The following EXD3 variants were observed in gnomAD, a reference collection of about 807,000 sequenced individuals.
EXD3 encodes the protein exonuclease mut-7 homolog.
Under a neutral mutation model 98.0 loss-of-function variants are expected in EXD3, and 92 were observed. The observed-to-expected ratio is 0.94, with a 90% CI of 0.79 to 1.12. EXD3 has a LOEUF of 1.12. Among genes scored for constraint, EXD3 ranks in the 50% most tolerant of loss-of-function variants. The probability of loss-of-function intolerance (pLI) is 0.00; values close to 1 mark genes in which losing one functional copy is unlikely to be tolerated. For synonymous variants in EXD3, 569 were observed against 526.0 expected, an observed-to-expected ratio of 1.08 and a Z score of -1.12; for missense variants, 1,222 against 1,191.6, an observed-to-expected ratio of 1.03 and a Z score of -0.38.
chr9:137,357,444 T>G (rs1002349454), intron 7 of EXD3: 6 of 152,188 alleles, frequency 3.9e-5, no homozygotes, highest in African/African-American at 1.4e-4. Context: ...CTTCTCTTTA[T>G]GTATTTTGTA....
rs575222267 is a variant in EXD3, at chr9:137,419,909, C to T, written c.-48+3205G>A. 4.9e-4 allele frequency among the ~76,000 whole-genome samples: 74 copies of T among 152,282 alleles called. 1 individual carries two copies. The highest frequency in any genetic ancestry group is 1.8e-3 in the African/African-American group (73 of 41,550). The stretch of plus-strand genomic sequence containing the variant: ...GCGCGGTGGCTCATGCCTGTAATCC[C>T]AGCACTTTGGGAGGCCAAGGCGGGC... On this transcript the variant is annotated intron_variant, in intron 1 of 21. Transcript: ENST00000340951.
chr9:137,318,333 G>A (rs529914502), intron 19 of EXD3, among the ~76,000 whole-genome samples: 299 of 151,836 alleles, frequency 2.0e-3, no homozygotes, highest in Non-Finnish European at 2.7e-3. Context: ...ACCCCCCCTC[G>A]TCCCCCCCAT....
intron 1 of EXD3, among the ~76,000 whole-genome samples, chr9:137,400,379 G>C (rs1305150745): frequency 6.6e-6 from 1 of 152,224 alleles, no homozygotes; most frequent in Non-Finnish European, 1.5e-5. Flanking sequence ...TCTGATCTGA[G>C]ACAAGGCAAG....
At chr9:137,388,933 G>A (rs1325129005) in intron 2 of EXD3, among the ~76,000 whole-genome samples, 1 of 152,150 alleles carries the variant, frequency 6.6e-6, no homozygotes, top group African/African-American at 2.4e-5. Flanking sequence ...TCAGTCCTCT[G>A]ACCGCCCACG....
chr9:137,352,307 A>T (rs1834348247), intron 11 of EXD3, 106 bp from the exon 12 acceptor site: 2 of 1,479,288 alleles, frequency 1.4e-6, no homozygotes, highest in South Asian at 2.5e-5. Flanking sequence ...GGGGCATCTC[A>T]GGTCCTGGCT....
At chr9:137,318,845 ACAGACCCCTGGC>A (rs1223700527) in intron 19 of EXD3, among the ~76,000 whole-genome samples, 1 of 152,182 alleles carries the variant, frequency 6.6e-6, no homozygotes, top group Non-Finnish European at 1.5e-5. Context: ...GGCGGTGGCC[ACAGACCCCTGGC>A]CAGGCCCCTG....
chr9:137,414,951 G>A (rs113627406), intron 1 of EXD3, among the ~76,000 whole-genome samples: 1,934 of 152,252 alleles, frequency 0.013, 43 homozygotes, highest in African/African-American at 0.043. Context: ...GCAGGGGGGC[G>A]ATCTCGGCTC....
chr9:137,374,382 C>A (rs1194425076), intron 3 of EXD3, among the ~76,000 whole-genome samples: 2 of 152,250 alleles, frequency 1.3e-5, no homozygotes, highest in Non-Finnish European at 2.9e-5. Context: ...ACGGGATGCG[C>A]CCCCAGAGGC....
chr9:137,327,314 T>G (rs964248093), intron 17 of EXD3, among the ~76,000 whole-genome samples: 1 of 152,118 alleles, frequency 6.6e-6, no homozygotes, highest in Non-Finnish European at 1.5e-5. Context: ...TTTGTATTTC[T>G]AATAGAGACA....
In EXD3 at chr9:137,306,911, A is replaced by G. The variant is rs1214860500; in HGVS notation, c.*39T>C. 5.3e-6 allele frequency: 8 copies of G among 1,523,232 alleles called. No homozygotes were observed. Among genetic ancestry groups the G allele is most frequent in the Non-Finnish European group, 7.0e-6 (8 of 1,135,850 alleles). The allele number at this position is 1,523,232 out of a possible 1,614,324, so 94.4% of individuals were successfully genotyped here. ...TGAGCCAGTCCACGGCCATGGGCCC[A>G]GCAGTCGGGCACTTTCCATGTTTAT... is the stretch of plus-strand genomic sequence containing the variant. On this transcript the variant is annotated 3_prime_UTR_variant, in exon 22 of 22. Coordinates refer to ENST00000340951, the MANE Select transcript of EXD3 (RefSeq NM_017820.5).
chr9:137,366,689 T>C, intron 6 of EXD3, 57 bp from the exon 7 acceptor site: 1 of 1,523,098 alleles, frequency 6.6e-7, no homozygotes, highest in Non-Finnish European at 8.8e-7. Context: ...AAAACCTGAC[T>C]CACCTCCAAC....
intron 5 of EXD3, among the ~76,000 whole-genome samples, chr9:137,370,145 A>G (rs2131671802): frequency 6.6e-6 from 1 of 152,064 alleles, no homozygotes; most frequent in South Asian, 2.1e-4. Context: ...CTAGTAGCAG[A>G]CCCACCCCTT....
chr9:137,351,559 C>G, intron 12 of EXD3, 31 bp from the exon 13 acceptor site: 1 of 1,555,328 alleles, frequency 6.4e-7, no homozygotes, highest in Non-Finnish European at 8.7e-7. Flanking sequence ...ATGTGATCAT[C>G]AGGGCCAACT....
intron 1 of EXD3, among the ~76,000 whole-genome samples, chr9:137,412,598 C>G (rs117972844): frequency 7.9e-5 from 12 of 152,044 alleles, no homozygotes; most frequent in African/African-American, 2.9e-4. Context: ...CAGAGCCCCC[C>G]GGGAGCAGCC....
At chr9:137,420,290 A>G (rs1838454226) in intron 1 of EXD3, among the ~76,000 whole-genome samples, 1 of 152,230 alleles carries the variant, frequency 6.6e-6, no homozygotes, top group Admixed American at 6.5e-5. Context: ...CCAGAGTCAG[A>G]AAACCTTTTT....
At chr9:137,334,098 T>C (rs1384440100) in intron 17 of EXD3, among the ~76,000 whole-genome samples, 2 of 151,888 alleles carry the variant, frequency 1.3e-5, no homozygotes, top group Non-Finnish European at 2.9e-5. Flanking sequence ...ACCTCCTGGG[T>C]TCAAACGATT....
Position 137,409,919 on chromosome 9 carries a change from G to A in EXD3, c.-48+13195C>T, listed in dbSNP as rs11534412. 7.5e-4 allele frequency among the ~76,000 whole-genome samples: 115 copies of A among 152,344 alleles called. No homozygotes were observed. The East Asian group carries it at 0.021, about 28-fold the overall frequency. ...TGGCTGGGCGCGGTGGCTCACGCCC[G>A]TAATCCCAGCACTTTAGGAGGCTGA... On this transcript the variant is annotated intron_variant, in intron 1 of 21. Coordinates refer to ENST00000340951, the MANE Select transcript of EXD3 (RefSeq NM_017820.5).
intron 17 of EXD3, among the ~76,000 whole-genome samples, chr9:137,346,449 T>C (rs766933310): frequency 6.6e-6 from 1 of 151,986 alleles, no homozygotes; most frequent in African/African-American, 2.4e-5. Context: ...ACTGGTCCAT[T>C]TGGCTTTGAT....
At chr9:137,399,279 A>G (rs2131785011) in intron 1 of EXD3, among the ~76,000 whole-genome samples, 1 of 152,312 alleles carries the variant, frequency 6.6e-6, no homozygotes, top group Admixed American at 6.5e-5. Context: ...TCCCAGCAGG[A>G]CGGACATGGT....
Sources: gnomAD v4.1 joint callset for allele counts (sites outside exome capture counted in the v4.1 genomes callset) on GRCh38, gnomAD v4.1.1 for gene constraint, MANE v1.5 for transcripts, NCBI Gene and HGNC (gene_info 2026-07-23, HGNC 2026-07-21) for gene names.